The following RTTN variants were observed in gnomAD, a reference collection of about 807,000 sequenced individuals.
The protein encoded by RTTN is rotatin.
RTTN carries 182 observed loss-of-function variants against 269.2 expected under a neutral mutation model. That is an observed-to-expected ratio of 0.68 (90% CI 0.60 to 0.76). The LOEUF (loss-of-function observed/expected upper bound fraction) is 0.76, where lower values mean the gene tolerates loss of function less well. Among genes scored for constraint, RTTN ranks in the 30% least tolerant of loss-of-function variants. The pLI, the probability that RTTN is intolerant of heterozygous loss-of-function variation, is 0.00. For synonymous variants in RTTN, 1,006 were observed against 963.5 expected (o/e 1.04, Z -0.82); for missense variants, 2,545 against 2,608.6 (o/e 0.98, Z 0.53).
chr18:70,121,683 G>C lies in RTTN; in HGVS notation c.3401C>G (p.Pro1134Arg), dbSNP rs751565369. The stretch of plus-strand genomic sequence containing the variant: ...CAGTTTCTCATCTTCAGTGCAAGCA[G>C]GAAGCACCTGTAAAAACCTATAATG... ...TALNRFLQVL[P>R]ACTEDEKLLI... Residue 1134 changes from proline (P) to arginine (R), a missense_variant, in exon 26 of 49, where the codon CCT becomes CGT. Pro to Arg is a moderately radical substitution (Grantham distance 103). Coordinates refer to ENST00000640769, the MANE Select transcript of RTTN (RefSeq NM_173630.4). 43 of 1,555,110 alleles carry C rather than the reference G, an allele frequency of 2.8e-5. No individual in the cohort carries two copies. Among genetic ancestry groups the C allele is most frequent in the Non-Finnish European group, 3.5e-5 (40 of 1,157,382 alleles).
rs370937695 is a variant in RTTN, at chr18:70,004,141, C to A, written c.*10G>T. 6.2e-7 allele frequency: 1 copy of A among 1,605,364 alleles called. No individual in the cohort carries two copies. The highest frequency in any genetic ancestry group is 8.5e-7 in the Non-Finnish European group (1 of 1,172,238). ...GACTGTCAGCTTCAAGGTGTAGCAT[C>A]CCATGGCACTCAGGAAGAATTAAGG... On this transcript the variant is annotated 3_prime_UTR_variant, in exon 49 of 49. Coordinates refer to ENST00000640769, the MANE Select transcript of RTTN (RefSeq NM_173630.4).
At chr18:70,047,837 T>A in intron 40 of RTTN, 134 bp downstream of exon 40, 1 of 707,592 alleles carries the variant, frequency 1.4e-6, no homozygotes, top group Non-Finnish European at 2.3e-6. Flanking sequence ...AACTTTTGTA[T>A]CATTTAAACA....
chr18:70,084,229 T>C (rs568112044), intron 32 of RTTN, among the ~76,000 whole-genome samples: 764 of 40,268 alleles, frequency 0.019, 5 homozygotes, highest in African/African-American at 0.024. Flanking sequence ...ATTCTCTTTG[T>C]TAAAAAAAAA....
intron 27 of RTTN, among the ~76,000 whole-genome samples, chr18:70,112,997 C>T (rs907006991): frequency 2.0e-5 from 3 of 152,148 alleles, no homozygotes; most frequent in Admixed American, 2.0e-4. Context: ...CAAACTGGAA[C>T]TCAGGATTAA....
intron 23 of RTTN, among the ~76,000 whole-genome samples, chr18:70,133,617 G>GC (rs75725304): frequency 0.85 from 129,365 of 152,036 alleles, 57,268 homozygotes; most frequent in East Asian, 1. Flanking sequence ...TGAGCAAAAA[G>GC]CAATATAATA....
chr18:70,020,957 T>C, intron 44 of RTTN, 140 bp from the exon 45 acceptor site: 1 of 643,136 alleles, frequency 1.6e-6, no homozygotes, highest in Non-Finnish European at 2.7e-6. Context: ...TGGAGGCTAA[T>C]GTTGGTGTCT....
Position 70,004,055 on chromosome 18 carries a change from G to C in RTTN, c.*96C>G. 1 of 839,654 alleles carries C rather than the reference G, an allele frequency of 1.2e-6. No homozygotes were observed. Among genetic ancestry groups the C allele is most frequent in the Non-Finnish European group, 2.0e-6 (1 of 494,924 alleles). 52.0% of individuals were successfully genotyped at this position (839,654 alleles called of 1,614,324 possible). On this transcript the variant is annotated 3_prime_UTR_variant, in exon 49 of 49. Transcript: ENST00000640769. ...GGGATCAACACTTTGTAGAGAGGTA[G>C]CACGTCTTCAGGTAACAGCTGCTAC...
intron 34 of RTTN, 80 bp downstream of exon 34, chr18:70,073,826 T>A (rs2058358975): frequency 1.1e-6 from 1 of 946,030 alleles, no homozygotes; most frequent in South Asian, 1.3e-5. Flanking sequence ...TTACACTTTG[T>A]ATTCTTAACT....
At chr18:70,123,461 C>G (rs1249768214) in intron 25 of RTTN, among the ~76,000 whole-genome samples, 1 of 152,044 alleles carries the variant, frequency 6.6e-6, no homozygotes, top group Non-Finnish European at 1.5e-5. Context: ...AATTTTGTAA[C>G]CTCTCAGCAA....
rs2057665555 is a variant in RTTN at position 70,051,457 on chromosome 18, G to A, written c.5277C>T (p.Leu1759=). The change falls in exon 39 of 49, where the codon CTC becomes CTT. Residue 1759 remains leucine, a synonymous_variant. Coordinates refer to ENST00000640769, the MANE Select transcript of RTTN (RefSeq NM_173630.4). The part of the protein sequence containing the change: ...MLLRKAGAIT[L]PFVTVALAKH... ...TGGCCAGGGCCACGGTAACAAACGG[G>A]AGTGTGATGGCACCAGCTTTCCTCA... 2.5e-6 allele frequency: 4 copies of A among 1,613,934 alleles called. No individual in the cohort carries two copies. Among genetic ancestry groups the A allele is most frequent in the African/African-American group, 1.3e-5 (1 of 74,926 alleles).
intron 14 of RTTN, among the ~76,000 whole-genome samples, chr18:70,162,314 C>T (rs1237651461): frequency 6.6e-6 from 1 of 152,156 alleles, no homozygotes; most frequent in African/African-American, 2.4e-5. Flanking sequence ...TGCGTATACA[C>T]ATGGATACAA....
At chr18:70,156,128 C>G (rs746055798) in intron 14 of RTTN, among the ~76,000 whole-genome samples, 15 of 152,200 alleles carry the variant, frequency 9.9e-5, no homozygotes, top group Non-Finnish European at 2.2e-4. Context: ...ACCTTAAACT[C>G]TGACTGCCGG....
chr18:70,083,902 C>G (rs2058634329), intron 32 of RTTN, among the ~76,000 whole-genome samples: 1 of 58,278 alleles, frequency 1.7e-5, no homozygotes, highest in Admixed American at 2.8e-4. Flanking sequence ...AGTGAGACCC[C>G]ATCTTTTTTT....
Position 70,054,146 on chromosome 18 carries a change from T to G in RTTN, c.5170A>C (p.Thr1724Pro). ...TNIIGILTIC[T>P]KDVLDKELIS... ...TTAAGCTTACCTAATACATCTTTGG[T>G]ACATATGGTGAGAATTCCAATGATA... Residue 1724 changes from threonine (T) to proline (P), a missense_variant, in exon 38 of 49, where the codon ACC becomes CCC. By Grantham distance (38) the Thr-to-Pro change is conservative. Coordinates refer to ENST00000640769, the MANE Select transcript of RTTN (RefSeq NM_173630.4). 6.2e-7 allele frequency: 1 copy of G among 1,613,106 alleles called. No homozygotes were observed. Among genetic ancestry groups the G allele is most frequent in the Non-Finnish European group, 8.5e-7 (1 of 1,179,146 alleles).
intron 14 of RTTN, among the ~76,000 whole-genome samples, chr18:70,156,188 G>T (rs1247966420): frequency 2.0e-5 from 3 of 152,156 alleles, no homozygotes; most frequent in African/African-American, 4.8e-5. Context: ...AAGCTAATGG[G>T]AGAAATATCA....
chr18:70,170,781 C>A (rs1193013082), intron 11 of RTTN, among the ~76,000 whole-genome samples: 2 of 152,166 alleles, frequency 1.3e-5, no homozygotes, highest in Non-Finnish European at 2.9e-5. Context: ...GAGGACTTTA[C>A]TGCAGTAATC....
At chr18:70,059,161 C>T (rs986263188) in intron 36 of RTTN, among the ~76,000 whole-genome samples, 1 of 152,292 alleles carries the variant, frequency 6.6e-6, no homozygotes, top group Admixed American at 6.5e-5. Context: ...AATTCTCACA[C>T]TAACCCCATT....
chr18:70,124,923 T>C (rs1261132866), intron 25 of RTTN, among the ~76,000 whole-genome samples: 1 of 152,054 alleles, frequency 6.6e-6, no homozygotes, highest in African/African-American at 2.4e-5. Context: ...GCATTAAACA[T>C]GCAAACTCAA....
Position 70,166,073 on chromosome 18 carries a change from C to T in RTTN, c.1918G>A (p.Glu640Lys). 3.7e-6 allele frequency: 6 copies of T among 1,613,598 alleles called. No individual in the cohort carries two copies. Among genetic ancestry groups the T allele is most frequent in the Non-Finnish European group, 5.1e-6 (6 of 1,179,700 alleles). Residue 640 changes from glutamate to lysine, a missense_variant, in exon 14 of 49, where the codon GAA becomes AAA. Coordinates refer to ENST00000640769, the MANE Select transcript of RTTN (RefSeq NM_173630.4). The part of the protein sequence containing the change: ...VKAETYHCCL[E>K]ITKECLGVHN... The stretch of plus-strand genomic sequence containing the variant: ...AAACAAAACCTCACCTTCGTGATTT[C>T]CAGACAGCAGTGGTAAGTTTCAGCT...
Sources: gnomAD v4.1 joint callset for allele counts (sites outside exome capture counted in the v4.1 genomes callset) on GRCh38, gnomAD v4.1.1 for gene constraint, MANE v1.5 for transcripts, NCBI Gene and HGNC (gene_info 2026-07-23, HGNC 2026-07-21) for gene names.